The following INTS9 variants were observed in gnomAD, a reference collection of about 807,000 sequenced individuals.
The protein encoded by INTS9 is protein related to CPSF subunits of 74 kDa.
Under a neutral mutation model 79.7 loss-of-function variants are expected in INTS9, and 55 were observed. That is an observed-to-expected ratio of 0.69 (90% CI 0.56 to 0.86). The LOEUF (loss-of-function observed/expected upper bound fraction) is 0.86, where lower values mean the gene tolerates loss of function less well. Among genes scored for constraint, INTS9 ranks in the 40% least tolerant of loss-of-function variants. The pLI, the probability that INTS9 is intolerant of heterozygous loss-of-function variation, is 0.00. For synonymous variants in INTS9, 319 were observed against 325.2 expected (o/e 0.98, Z 0.20); for missense variants, 721 against 831.5 (o/e 0.87, Z 1.64).
At chr8:28,786,427 A>G (rs1457914715) in intron 11 of INTS9, among the ~76,000 whole-genome samples, 2 of 152,128 alleles carry the variant, frequency 1.3e-5, no homozygotes, top group East Asian at 1.9e-4. Flanking sequence ...GGTAGCTAGA[A>G]CTACAGGCAT....
intron 1 of INTS9, among the ~76,000 whole-genome samples, chr8:28,871,063 C>A (rs531068263): frequency 2.9e-4 from 44 of 152,328 alleles, no homozygotes; most frequent in Non-Finnish European, 5.6e-4. Flanking sequence ...ACCAGGCTGA[C>A]TGGCTAAGTA....
intron 1 of INTS9, among the ~76,000 whole-genome samples, chr8:28,879,522 G>A (rs144937790): frequency 6.6e-6 from 1 of 152,292 alleles, no homozygotes; most frequent in African/African-American, 2.4e-5. Flanking sequence ...AATGATGCCT[G>A]CTTGTACTAC....
intron 1 of INTS9, among the ~76,000 whole-genome samples, chr8:28,881,207 G>A (rs1240546739): frequency 6.7e-6 from 1 of 148,708 alleles, no homozygotes; most frequent in Non-Finnish European, 1.5e-5. Flanking sequence ...ACTGGGAAGT[G>A]AGGAGCCCCT....
At chr8:28,846,069 T>C (rs1397254756) in intron 4 of INTS9, among the ~76,000 whole-genome samples, 1 of 152,204 alleles carries the variant, frequency 6.6e-6, no homozygotes, top group East Asian at 1.9e-4. Context: ...AAAAAGAGGA[T>C]GGCAGCTTCT....
At chr8:28,839,740 G>A (rs1234363817) in intron 4 of INTS9, among the ~76,000 whole-genome samples, 8 of 152,162 alleles carry the variant, frequency 5.3e-5, no homozygotes, top group Non-Finnish European at 1.2e-4. Flanking sequence ...CTAGCCATAT[G>A]TAGAAAGCTG....
intron 13 of INTS9, among the ~76,000 whole-genome samples, chr8:28,777,036 C>T (rs561642974): frequency 7.9e-5 from 12 of 152,288 alleles, no homozygotes; most frequent in African/African-American, 2.9e-4. Flanking sequence ...TTAATAATCA[C>T]CAGAATCCGC....
chr8:28,871,125 G>C (rs961036816), intron 1 of INTS9, among the ~76,000 whole-genome samples: 3 of 152,132 alleles, frequency 2.0e-5, no homozygotes, highest in Admixed American at 2.0e-4. Context: ...TAGTCACACC[G>C]GTAGTAAGTT....
intron 1 of INTS9, among the ~76,000 whole-genome samples, chr8:28,881,212 GC>G (rs1215689695): frequency 1.4e-5 from 2 of 147,048 alleles, no homozygotes; most frequent in Non-Finnish European, 3.0e-5. Flanking sequence ...GAAGTGAGGA[GC>G]CCCTCTGCCC....
chr8:28,841,638 T>C (rs1287756060), intron 4 of INTS9, among the ~76,000 whole-genome samples: 1 of 152,170 alleles, frequency 6.6e-6, no homozygotes, highest in East Asian at 1.9e-4. Flanking sequence ...CACTGTACAG[T>C]TGAAAATAAC....
chr8:28,872,058 G>A (rs965291131), intron 1 of INTS9, among the ~76,000 whole-genome samples: 2 of 152,168 alleles, frequency 1.3e-5, no homozygotes, highest in Admixed American at 6.5e-5. Context: ...AAAATGCCCA[G>A]TCCATACATT....
chr8:28,884,105 T>C (rs560374553), intron 1 of INTS9, among the ~76,000 whole-genome samples: 33 of 148,242 alleles, frequency 2.2e-4, no homozygotes, highest in African/African-American at 8.1e-4. Flanking sequence ...TGATTGACCA[T>C]AGGTAAGCCA....
chr8:28,794,213 C>T (rs780525599), intron 9 of INTS9, among the ~76,000 whole-genome samples: 1 of 152,108 alleles, frequency 6.6e-6, no homozygotes, highest in Non-Finnish European at 1.5e-5. Flanking sequence ...GGGAATAGAG[C>T]ATGTGACTAC....
intron 6 of INTS9, among the ~76,000 whole-genome samples, chr8:28,825,421 G>A (rs960779843): frequency 2.6e-5 from 4 of 152,170 alleles, no homozygotes; most frequent in African/African-American, 9.7e-5. Context: ...TGACTAGAAA[G>A]TCACACACAA....
chr8:28,774,668 G>A (rs1217987897), intron 14 of INTS9, among the ~76,000 whole-genome samples: 2 of 152,176 alleles, frequency 1.3e-5, no homozygotes, highest in African/African-American at 4.8e-5. Context: ...CCCAAGGTCT[G>A]GAGGCCATTT....
chr8:28,860,843 C>T lies in INTS9; in HGVS notation c.10-1280G>A, dbSNP rs144479833. The stretch of plus-strand genomic sequence containing the variant: ...AGTGAAGCTCCATCAATGCCCAGCC[C>T]CATATGGCCTCAGTCACTTAGGCTA... On this transcript the variant is annotated intron_variant, in intron 1 of 16. Coordinates refer to ENST00000521022, the MANE Select transcript of INTS9 (RefSeq NM_018250.4). Among the ~76,000 whole-genome samples the T allele has an allele frequency of 4.9e-3, 746 of 152,310 alleles. 8 individuals carry two copies. Among genetic ancestry groups the T allele is most frequent in the African/African-American group, 0.017 (711 of 41,568 alleles).
In INTS9 at chr8:28,790,334, T is replaced by C. The variant is rs1803851934; in HGVS notation, c.1038-2445A>G. 2.0e-5 allele frequency among the ~76,000 whole-genome samples: 3 copies of C among 152,232 alleles called. No homozygotes were observed. The South Asian group carries it at 6.2e-4, about 32-fold the overall frequency. On this transcript the variant is annotated intron_variant, in intron 10 of 16. Transcript: ENST00000521022. ...GCAGCTATCCATTTTGGTAACTGAG[T>C]TCCTTATTTAGGGAAAAAGGGTGCC...
chr8:28,881,811 G>A (rs1809842790), intron 1 of INTS9, among the ~76,000 whole-genome samples: 21 of 133,110 alleles, frequency 1.6e-4, no homozygotes, highest in Non-Finnish European at 2.8e-4. Context: ...CTGGCCAGCC[G>A]CCCCGTCCGG....
rs535064350 is a variant in INTS9 at position 28,825,678 on chromosome 8, T to C, written c.488+9614A>G. Among the ~76,000 whole-genome samples, 5 of 152,356 alleles carry C rather than the reference T, an allele frequency of 3.3e-5. No homozygotes were observed. The South Asian group carries it at 1.0e-3, about 32-fold the overall frequency. ...GCTTTGGTCACTTTAATATTTTCAC[T>C]GTGTGCTGGAGATGAAACAGTCTTA... On this transcript the variant is annotated intron_variant, in intron 6 of 16. Transcript: ENST00000521022.
intron 3 of INTS9, 144 bp from the exon 4 acceptor site, chr8:28,846,953 T>C: frequency 1.5e-6 from 1 of 666,170 alleles, no homozygotes; most frequent in Non-Finnish European, 2.6e-6. Flanking sequence ...TTAGGCCGAC[T>C]GTCCTATGTT....
Sources: gnomAD v4.1 joint callset for allele counts (sites outside exome capture counted in the v4.1 genomes callset) on GRCh38, gnomAD v4.1.1 for gene constraint, MANE v1.5 for transcripts, NCBI Gene and HGNC (gene_info 2026-07-23, HGNC 2026-07-21) for gene names.